The following PTPRG variants were observed in gnomAD, a reference collection of about 807,000 sequenced individuals.
PTPRG encodes the protein protein tyrosine phosphatase receptor type G.
In PTPRG, 102 loss-of-function variants were observed where a neutral mutation model predicts 165.3. That is an observed-to-expected ratio of 0.62 (90% CI 0.53 to 0.73). PTPRG has a LOEUF of 0.73. Ranked by LOEUF, PTPRG falls within the 30% of genes least tolerant of loss-of-function variation. PTPRG has a pLI of 0.00. For missense variants in PTPRG, 1,866 were observed against 1,861.4 expected (o/e 1.00, Z -0.05); for synonymous variants, 675 against 669.5 (o/e 1.01, Z -0.13).
At chr3:61,682,269 A>G (rs1048510917) in intron 1 of PTPRG, among the ~76,000 whole-genome samples, 1 of 152,116 alleles carries the variant, frequency 6.6e-6, no homozygotes, top group Admixed American at 6.6e-5. Flanking sequence ...TCTGAATTTG[A>G]TAATTCTACT....
chr3:62,268,878 T>C (rs371643429), intron 19 of PTPRG, among the ~76,000 whole-genome samples, 157 bp from the exon 20 acceptor site: 127 of 152,286 alleles, frequency 8.3e-4, no homozygotes, highest in African/African-American at 3.0e-3. Context: ...TTGTCAGAGG[T>C]CACACCTGCC....
At chr3:61,693,399 C>T (rs1004740516) in intron 1 of PTPRG, among the ~76,000 whole-genome samples, 1 of 152,174 alleles carries the variant, frequency 6.6e-6, no homozygotes, top group East Asian at 1.9e-4. Flanking sequence ...ATTCTGAACT[C>T]TCATGGTTAA....
intron 1 of PTPRG, among the ~76,000 whole-genome samples, chr3:61,626,789 C>T (rs1282130824): frequency 2.0e-5 from 3 of 152,192 alleles, no homozygotes; most frequent in Admixed American, 1.3e-4. Context: ...ATTTGCCATC[C>T]AGTTTCATTT....
chr3:61,718,249 G>C (rs1311195853), intron 1 of PTPRG, among the ~76,000 whole-genome samples: 1 of 142,638 alleles, frequency 7.0e-6, no homozygotes, highest in Non-Finnish European at 1.5e-5. Flanking sequence ...AGAGAACCAA[G>C]ACAGATTTGG....
At chr3:61,749,030 C>T (rs1411366099) in intron 2 of PTPRG, 48 bp downstream of exon 2, 2 of 1,424,820 alleles carry the variant, frequency 1.4e-6, no homozygotes, top group Non-Finnish European at 2.0e-6. Context: ...GTTAACATCC[C>T]ATTCAACTCA....
At chr3:61,731,349 C>CTTTTTTTT (rs543374959) in intron 1 of PTPRG, among the ~76,000 whole-genome samples, 6 of 132,196 alleles carry the variant, frequency 4.5e-5, no homozygotes, top group Non-Finnish European at 8.2e-5. Context: ...TTCCTTTTTC[C>CTTTTTTTT]TTTTTTTTTT....
intron 1 of PTPRG, among the ~76,000 whole-genome samples, chr3:61,596,487 C>T (rs1700703557): frequency 6.6e-6 from 1 of 152,092 alleles, no homozygotes; most frequent in African/African-American, 2.4e-5. Context: ...CGTAGCATGA[C>T]CTCTTTATTT....
intron 4 of PTPRG, among the ~76,000 whole-genome samples, chr3:62,036,970 TGCGCGC>T (rs1163540511): frequency 9.1e-6 from 1 of 109,546 alleles, no homozygotes; most frequent in African/African-American, 3.8e-5. Context: ...GTGCTGCACG[TGCGCGC>T]GCGCACGCAC....
intron 2 of PTPRG, among the ~76,000 whole-genome samples, chr3:61,865,847 G>T (rs906819237): frequency 2.0e-5 from 3 of 152,214 alleles, no homozygotes; most frequent in African/African-American, 7.2e-5. Flanking sequence ...TTTTCTGCCA[G>T]CTGCATCTGT....
At position 62,017,141 on chromosome 3, in the gene PTPRG, G is replaced by T. The variant is rs114914511; in HGVS notation, c.519+13644G>T. On this transcript the variant is annotated intron_variant, in intron 4 of 29. Transcript: ENST00000474889. ...TGCTAATGAACATAGTCCCATAACA[G>T]CGTAAGCAGTGTTACCCATTAGGAA... Among the ~76,000 whole-genome samples, 852 of 152,234 alleles carry T rather than the reference G, an allele frequency of 5.6e-3. 8 individuals are homozygous for T. The highest frequency in any genetic ancestry group is 0.02 in the African/African-American group (813 of 41,538).
At chr3:61,898,700 G>A (rs151093969) in intron 2 of PTPRG, among the ~76,000 whole-genome samples, 1 of 152,204 alleles carries the variant, frequency 6.6e-6, no homozygotes, top group African/African-American at 2.4e-5. Context: ...ATGTGGCAAA[G>A]GTCTTTAAAT....
intron 1 of PTPRG, among the ~76,000 whole-genome samples, chr3:61,656,039 ACC>A (rs72439294): frequency 5.1e-4 from 67 of 130,988 alleles, no homozygotes; most frequent in African/African-American, 9.4e-4. Context: ...ACATAGCAAG[ACC>A]CCCCCCCCCC....
chr3:61,625,422 C>A (rs188964289), intron 1 of PTPRG, among the ~76,000 whole-genome samples: 1 of 152,270 alleles, frequency 6.6e-6, no homozygotes, highest in Admixed American at 6.5e-5. Flanking sequence ...ACATTTTAAA[C>A]CCATCAACTA....
intron 1 of PTPRG, among the ~76,000 whole-genome samples, chr3:61,708,621 A>AT (rs1339820854): frequency 9.9e-5 from 15 of 151,366 alleles, no homozygotes; most frequent in African/African-American, 3.4e-4. Flanking sequence ...CGCCCAGCTA[A>AT]TTTTTTTGTA....
intron 3 of PTPRG, among the ~76,000 whole-genome samples, chr3:61,998,824 C>T (rs190143742): frequency 6.6e-6 from 1 of 152,330 alleles, no homozygotes; most frequent in African/African-American, 2.4e-5. Context: ...TAGACCTTTC[C>T]TGTCTTTGCT....
At chr3:61,876,584 A>C (rs563417404) in intron 2 of PTPRG, among the ~76,000 whole-genome samples, 83 of 152,292 alleles carry the variant, frequency 5.5e-4, no homozygotes, top group African/African-American at 1.8e-3. Context: ...AAAAGTAATA[A>C]TTAGTATGCA....
intron 2 of PTPRG, among the ~76,000 whole-genome samples, chr3:61,930,180 A>G (rs1419065904): frequency 6.6e-6 from 1 of 152,206 alleles, no homozygotes; most frequent in African/African-American, 2.4e-5. Flanking sequence ...ACAGCTGTAC[A>G]TATAAAATTT....
intron 2 of PTPRG, among the ~76,000 whole-genome samples, chr3:61,843,954 T>C (rs2107340838): frequency 7.0e-6 from 1 of 142,802 alleles, no homozygotes; most frequent in East Asian, 2.0e-4. Flanking sequence ...AAAATTCACA[T>C]TTTACAACTC....
chr3:61,938,711 C>T (rs1432027681), intron 2 of PTPRG, among the ~76,000 whole-genome samples: 1 of 152,118 alleles, frequency 6.6e-6, no homozygotes, highest in African/African-American at 2.4e-5. Flanking sequence ...GAGTCTAATG[C>T]TTACGCTACG....
Sources: allele counts gnomAD v4.1 joint callset (sites outside exome capture counted in the v4.1 genomes callset), GRCh38; gene constraint gnomAD v4.1.1; transcripts MANE v1.5; gene names NCBI Gene and HGNC (gene_info 2026-07-23, HGNC 2026-07-21).